The following NRG3 variants were observed in gnomAD, a reference collection of about 807,000 sequenced individuals.
NRG3 encodes the protein neuregulin 3.
In NRG3, 31 loss-of-function variants were observed where a neutral mutation model predicts 66.9. That is an observed-to-expected ratio of 0.46 (90% CI 0.35 to 0.63). The LOEUF (loss-of-function observed/expected upper bound fraction) is 0.63, where lower values mean the gene tolerates loss of function less well. Ranked by LOEUF, NRG3 falls within the 20% of genes least tolerant of loss-of-function variation. The probability of loss-of-function intolerance (pLI) is 0.00; values close to 1 mark genes in which losing one functional copy is unlikely to be tolerated. For synonymous variants in NRG3, 393 were observed against 359.4 expected (o/e 1.09, Z -1.06); for missense variants, 910 against 878.9 (o/e 1.04, Z -0.45).
chr10:82,986,021 A>G lies in NRG3; in HGVS notation c.*416A>G. 6.0e-6 allele frequency: 1 copy of G among 167,190 alleles called. No homozygotes were observed. The highest frequency in any genetic ancestry group is 1.5e-4 in the South Asian group (1 of 6,562). The allele number at this position is 167,190 out of a possible 1,614,324, so 10.4% of individuals were successfully genotyped here. On this transcript the variant is annotated 3_prime_UTR_variant, in exon 9 of 9. Coordinates refer to ENST00000372141, the MANE Select transcript of NRG3 (RefSeq NM_001010848.4). ...GGTGGCTCTTGCCATTTGGCTTGCC[A>G]GTCCCAAGCCCTAAATTTCTATTCA...
intron 2 of NRG3, among the ~76,000 whole-genome samples, chr10:82,575,056 G>T (rs1027326041): frequency 6.6e-6 from 1 of 151,666 alleles, no homozygotes; most frequent in Non-Finnish European, 1.5e-5. Flanking sequence ...CTCAAAAATT[G>T]CAGAGTGGAT....
intron 2 of NRG3, among the ~76,000 whole-genome samples, chr10:82,425,745 T>C (rs532334419): frequency 6.6e-6 from 1 of 152,288 alleles, no homozygotes; most frequent in African/African-American, 2.4e-5. Flanking sequence ...TTACTGTTTG[T>C]TGTAGTTATG....
intron 2 of NRG3, among the ~76,000 whole-genome samples, chr10:82,384,377 C>A (rs1408184929): frequency 6.6e-6 from 1 of 152,078 alleles, no homozygotes; most frequent in African/African-American, 2.4e-5. Flanking sequence ...CTGCACAGAT[C>A]ATCCCGTCAC....
chr10:82,981,991 A>G (rs1284836409), intron 8 of NRG3, among the ~76,000 whole-genome samples: 2 of 152,200 alleles, frequency 1.3e-5, no homozygotes, highest in Non-Finnish European at 2.9e-5. Flanking sequence ...AGGATATCAG[A>G]GTTTAAATGG....
At chr10:82,900,699 A>AT (rs1844136212) in intron 4 of NRG3, among the ~76,000 whole-genome samples, 3 of 152,206 alleles carry the variant, frequency 2.0e-5, no homozygotes, top group Admixed American at 2.0e-4. Context: ...CCCATTTTAC[A>AT]AATGAAGAAA....
chr10:82,123,557 C>T (rs78605393), intron 1 of NRG3, among the ~76,000 whole-genome samples: 4,469 of 152,274 alleles, frequency 0.029, 204 homozygotes, highest in African/African-American at 0.1. Flanking sequence ...CTGGCATCCT[C>T]CTCCAACACC....
chr10:82,910,919 T>C (rs1845257791), intron 4 of NRG3, among the ~76,000 whole-genome samples: 1 of 152,244 alleles, frequency 6.6e-6, no homozygotes, highest in Admixed American at 6.5e-5. Context: ...TGTGCGTGCA[T>C]GGCACAACAT....
At position 82,554,450 on chromosome 10, in the gene NRG3, A is replaced by G. The variant is rs73311965; in HGVS notation, c.954-184127A>G. On this transcript the variant is annotated intron_variant, in intron 2 of 8. Transcript: ENST00000372141. ...ATAAAGTAAAACTTTACAAAATCAA[A>G]TGAGCTACTCTGAAGCATTTGCAAT... Among the ~76,000 whole-genome samples the G allele has an allele frequency of 5.2e-3, 786 of 152,272 alleles. 5 individuals carry two copies. The highest frequency in any genetic ancestry group is 0.018 in the African/African-American group (745 of 41,574).
chr10:82,829,863 C>A (rs1049636682), intron 3 of NRG3, among the ~76,000 whole-genome samples: 2 of 152,124 alleles, frequency 1.3e-5, no homozygotes, highest in Non-Finnish European at 2.9e-5. Flanking sequence ...GTTGATTTTT[C>A]TACAAGGTTG....
intron 4 of NRG3, among the ~76,000 whole-genome samples, chr10:82,919,101 ATG>A (rs1846170398): frequency 1.1e-5 from 1 of 93,398 alleles, no homozygotes; most frequent in East Asian, 2.8e-4. Flanking sequence ...GTGTGTGTGT[ATG>A]TGTGTGTGTT....
intron 2 of NRG3, among the ~76,000 whole-genome samples, chr10:82,686,112 AAC>A (rs1191530616): frequency 2.0e-5 from 3 of 152,212 alleles, no homozygotes; most frequent in Admixed American, 1.3e-4. Flanking sequence ...ATTAACTAGT[AAC>A]AGAGTAATTT....
Position 82,299,674 on chromosome 10 carries a change from G to C in NRG3, c.824-59065G>C, listed in dbSNP as rs1589641039. 2.0e-5 allele frequency among the ~76,000 whole-genome samples: 3 copies of C among 151,924 alleles called. 1 individual carries two copies. The South Asian group carries it at 6.3e-4, about 32-fold the overall frequency. ...GCTATCCTGTTACAATATCAGAGTT[G>C]AGTAGTTGTAACTGACACCCTGCGG... On this transcript the variant is annotated intron_variant, in intron 1 of 8. Transcript: ENST00000372141.
At chr10:81,978,348 A>T (rs1049199007) in intron 1 of NRG3, among the ~76,000 whole-genome samples, 1 of 152,192 alleles carries the variant, frequency 6.6e-6, no homozygotes, top group Non-Finnish European at 1.5e-5. Flanking sequence ...TTATTATGGC[A>T]TAATTCTTAA....
chr10:82,854,931 A>G (rs535110221), intron 3 of NRG3, among the ~76,000 whole-genome samples: 34 of 152,290 alleles, frequency 2.2e-4, no homozygotes, highest in Admixed American at 3.3e-4. Context: ...CTCTAGATGA[A>G]TATCTTGGGC....
At chr10:82,056,264 T>C (rs981668102) in intron 1 of NRG3, among the ~76,000 whole-genome samples, 1 of 152,142 alleles carries the variant, frequency 6.6e-6, no homozygotes, top group African/African-American at 2.4e-5. Context: ...ATTCTAAGCT[T>C]GGTCAGGTGG....
chr10:81,895,209 C>G (rs1040343396), intron 1 of NRG3, among the ~76,000 whole-genome samples: 1 of 152,154 alleles, frequency 6.6e-6, no homozygotes, highest in East Asian at 1.9e-4. Context: ...AAAAATCTGA[C>G]CCCATGAAGG....
rs188253151 is a variant in NRG3, at chr10:82,520,377, C to T, written c.953+161509C>T. ...TTTTACCCAGTAAGATGATGGGAGT[C>T]ACTATCCCTGGAAATAGAAGGTTCT... On this transcript the variant is annotated intron_variant, in intron 2 of 8. Transcript: ENST00000372141. 1.2e-3 allele frequency among the ~76,000 whole-genome samples: 175 copies of T among 152,060 alleles called. 1 individual carries two copies. Among genetic ancestry groups the T allele is most frequent in the African/African-American group, 4.0e-3 (164 of 41,444 alleles).
chr10:82,824,930 T>G (rs1591637672), intron 3 of NRG3, among the ~76,000 whole-genome samples: 1 of 152,108 alleles, frequency 6.6e-6, no homozygotes, highest in East Asian at 1.9e-4. Flanking sequence ...CAGGCTGGCC[T>G]TGAGCTCCTG....
intron 1 of NRG3, among the ~76,000 whole-genome samples, chr10:82,352,558 T>C (rs1370085562): frequency 3.3e-5 from 5 of 152,320 alleles, no homozygotes; most frequent in East Asian, 1.9e-4. Context: ...GAGAGTTTTG[T>C]AGAGAACAGA....
Sources: allele counts gnomAD v4.1 joint callset (sites outside exome capture counted in the v4.1 genomes callset), GRCh38; gene constraint gnomAD v4.1.1; transcripts MANE v1.5; gene names NCBI Gene and HGNC (gene_info 2026-07-23, HGNC 2026-07-21).